The following KIF21A variants were observed in gnomAD, a reference collection of about 807,000 sequenced individuals.
KIF21A encodes kinesin-like protein KIF21A.
Under a neutral mutation model 202.9 loss-of-function variants are expected in KIF21A, and 114 were observed. The ratio of observed to expected loss-of-function variants is 0.56; its 90% confidence interval spans 0.48 to 0.66. The LOEUF is 0.66. Among genes scored for constraint, KIF21A ranks in the 30% least tolerant of loss-of-function variants. The pLI, the probability that KIF21A is intolerant of heterozygous loss-of-function variation, is 0.00. For missense variants in KIF21A, 1,677 were observed against 1,994.9 expected, an observed-to-expected ratio of 0.84 and a Z score of 3.04; for synonymous variants, 667 against 670.8, an observed-to-expected ratio of 0.99 and a Z score of 0.09.
intron 1 of KIF21A, among the ~76,000 whole-genome samples, chr12:39,390,709 A>G (rs145510402): frequency 0.015 from 2,306 of 152,278 alleles, 22 homozygotes; most frequent in Non-Finnish European, 0.023. Flanking sequence ...ATATATATAT[A>G]TTTGTCAGAA....
chr12:39,332,694 G>A lies in KIF21A; in HGVS notation c.2753C>T (p.Thr918Ile). The stretch of plus-strand genomic sequence containing the variant: ...AAGGAGCTGCCACTTCATGCGAGCT[G>A]TCTTGGAAATAAACACTCGGCCAGT... Reference protein sequence around the residue: ...GLTGRVFISKTARMKWQLLER... With the variant: ...GLTGRVFISKIARMKWQLLER... The change falls in exon 20 of 38, where the codon ACA (threonine) becomes ATA (isoleucine). Residue 918 changes from threonine to isoleucine, a missense_variant. Coordinates refer to ENST00000361418, the MANE Select transcript of KIF21A (RefSeq NM_001173464.2). 6.2e-7 allele frequency: 1 copy of A among 1,614,022 alleles called. No individual in the cohort carries two copies. The highest frequency in any genetic ancestry group is 8.5e-7 in the Non-Finnish European group (1 of 1,179,958).
intron 21 of KIF21A, 61 bp from the exon 22 acceptor site, chr12:39,331,852 C>T: frequency 8.2e-7 from 1 of 1,222,396 alleles, no homozygotes; most frequent in East Asian, 2.3e-5. Flanking sequence ...AAGGCAACAG[C>T]CTATTGTTTC....
intron 37 of KIF21A, among the ~76,000 whole-genome samples, chr12:39,300,652 A>G (rs1264298554): frequency 6.6e-6 from 1 of 152,162 alleles, no homozygotes; most frequent in Non-Finnish European, 1.5e-5. Context: ...TACACTTCAC[A>G]TTATATAATA....
intron 1 of KIF21A, among the ~76,000 whole-genome samples, chr12:39,386,031 T>C (rs1331690462): frequency 6.6e-6 from 1 of 152,212 alleles, no homozygotes. Flanking sequence ...GTTTTTGTTC[T>C]TGTCCTTTAA....
intron 1 of KIF21A, among the ~76,000 whole-genome samples, chr12:39,399,601 T>C (rs1280864761): frequency 6.6e-6 from 1 of 152,236 alleles, no homozygotes; most frequent in African/African-American, 2.4e-5. Flanking sequence ...AGACACTCTG[T>C]ATGCACGAGG....
intron 11 of KIF21A, 128 bp downstream of exon 11, chr12:39,351,649 C>T (rs1224696475): frequency 6.4e-6 from 4 of 622,450 alleles, no homozygotes; most frequent in Non-Finnish European, 1.1e-5. Context: ...GTTGTAGTTT[C>T]AGCTAACATA....
At chr12:39,341,718 A>AT in intron 13 of KIF21A, 96 bp from the exon 14 acceptor site, 1 of 1,337,792 alleles carries the variant, frequency 7.5e-7, no homozygotes, top group Non-Finnish European at 1.0e-6. Flanking sequence ...GTACGGAAAC[A>AT]TAAAAAAATT....
chr12:39,416,763 G>GTATA (rs199748335), intron 1 of KIF21A, among the ~76,000 whole-genome samples: 2 of 88,530 alleles, frequency 2.3e-5, no homozygotes, highest in Non-Finnish European at 4.2e-5. Context: ...ATATATATGT[G>GTATA]TATATATATA....
At position 39,367,234 on chromosome 12, in the gene KIF21A, G is replaced by A. The variant is rs1201296943; in HGVS notation, c.601-70C>T. 2.6e-6 allele frequency: 4 copies of A among 1,537,076 alleles called. 1 individual carries two copies. The South Asian group carries it at 4.5e-5, about 17-fold the overall frequency. ...AGATACTATACAATCCAAAGTCTGA[G>A]GTAATGGCTAAAACCCACCATGTTA... On this transcript the variant is annotated intron_variant, in intron 4 of 37. Coordinates refer to ENST00000361418, the MANE Select transcript of KIF21A (RefSeq NM_001173464.2).
At chr12:39,387,981 A>C (rs972670279) in intron 1 of KIF21A, among the ~76,000 whole-genome samples, 26 of 152,142 alleles carry the variant, frequency 1.7e-4, no homozygotes, top group African/African-American at 6.0e-4. Flanking sequence ...AGTTCTGACT[A>C]AAAGGCTGCA....
At chr12:39,356,292 T>C (rs558115794) in intron 10 of KIF21A, among the ~76,000 whole-genome samples, 18 of 152,332 alleles carry the variant, frequency 1.2e-4, no homozygotes, top group African/African-American at 4.3e-4. Flanking sequence ...ACTCTTCATG[T>C]CATGCTTGCC....
Position 39,414,297 on chromosome 12 carries a change from T to C in KIF21A, c.44+28630A>G, listed in dbSNP as rs112406880. ...TTATTCAATGACAAAAGGGCAGCTG[T>C]GCAGAAAGCAGACCAAAAGTGCTCA... On this transcript the variant is annotated intron_variant, in intron 1 of 37. Coordinates refer to ENST00000361418, the MANE Select transcript of KIF21A (RefSeq NM_001173464.2). 6.8e-3 allele frequency among the ~76,000 whole-genome samples: 1,029 copies of C among 152,342 alleles called. 13 individuals carry two copies. Among genetic ancestry groups the C allele is most frequent in the African/African-American group, 0.024 (983 of 41,574 alleles).
chr12:39,342,730 C>A (rs1356507519), intron 12 of KIF21A, among the ~76,000 whole-genome samples: 2 of 152,122 alleles, frequency 1.3e-5, no homozygotes, highest in Non-Finnish European at 2.9e-5. Flanking sequence ...CACAATGTGT[C>A]TTTGCATACC....
At chr12:39,417,662 T>A (rs1271746753) in intron 1 of KIF21A, among the ~76,000 whole-genome samples, 1 of 152,142 alleles carries the variant, frequency 6.6e-6, no homozygotes, top group Non-Finnish European at 1.5e-5. Flanking sequence ...GGAAAGAACA[T>A]TTGCTCCATG....
rs149150794 is a variant in KIF21A, at chr12:39,313,941, G to A, written c.3959+1288C>T. ...CTATATTACATAAGGAACAGATGAT[G>A]AAACTATTGAGCTGATAAAAGAACA... On this transcript the variant is annotated intron_variant, in intron 31 of 37. Coordinates refer to ENST00000361418, the MANE Select transcript of KIF21A (RefSeq NM_001173464.2). Among the ~76,000 whole-genome samples the A allele has an allele frequency of 5.0e-3, 763 of 151,716 alleles. 2 individuals carry two copies. The highest frequency in any genetic ancestry group is 0.018 in the African/African-American group (732 of 41,476).
intron 26 of KIF21A, among the ~76,000 whole-genome samples, chr12:39,325,533 C>G (rs1381874357): frequency 1.5e-5 from 2 of 131,842 alleles, no homozygotes; most frequent in Non-Finnish European, 3.1e-5. Context: ...TTAGTAGACA[C>G]GGGTTTTCGC....
At position 39,401,638 on chromosome 12, in the gene KIF21A, G is replaced by A. The variant is rs79345271; in HGVS notation, c.45-31377C>T. Among the ~76,000 whole-genome samples, 168 of 152,278 alleles carry A rather than the reference G, an allele frequency of 1.1e-3. 2 individuals are homozygous for A. The East Asian group carries it at 0.029, about 26-fold the overall frequency. Reference sequence around the variant, plus strand: ...GAACTTGAGAGTGCATGGGAGGAACGCTTGGCTAAGTACCAAAAACTGAAT... The same window carrying A: ...GAACTTGAGAGTGCATGGGAGGAACACTTGGCTAAGTACCAAAAACTGAAT... On this transcript the variant is annotated intron_variant, in intron 1 of 37. Transcript: ENST00000361418.
Position 39,322,781 on chromosome 12 carries a change from G to A in KIF21A, c.3558C>T (p.Leu1186=), listed in dbSNP as rs745576177. The A allele has an allele frequency of 6.2e-7, 1 of 1,614,126 alleles. No homozygotes were observed. The highest frequency in any genetic ancestry group is 8.5e-7 in the Non-Finnish European group (1 of 1,179,994). The change falls in exon 27 of 38, where the codon CTC becomes CTT. Residue 1186 remains leucine, a synonymous_variant. Transcript: ENST00000361418. ...TCTCTTGCCCTTCTGCAACAGGTGT[G>A]AGAGGGCCAGGCAAGGAGGCATCTC... ...STGDASLPGP[L]TPVAEGQEIG...
In KIF21A at chr12:39,400,777, C is replaced by T. The variant is rs374945485; in HGVS notation, c.45-30516G>A. 2.1e-3 allele frequency among the ~76,000 whole-genome samples: 316 copies of T among 152,170 alleles called. 5 individuals carry two copies. The highest frequency in any genetic ancestry group is 7.2e-3 in the African/African-American group (300 of 41,510). On this transcript the variant is annotated intron_variant, in intron 1 of 37. Transcript: ENST00000361418. ...GCTGATTTAGGCTGAAGTTCTAGAACGTGACTATCTTATTTCTAACCAAAA... is the reference window on the plus strand; with the variant it reads ...GCTGATTTAGGCTGAAGTTCTAGAATGTGACTATCTTATTTCTAACCAAAA...
Sources: gnomAD v4.1 joint callset for allele counts (sites outside exome capture counted in the v4.1 genomes callset) on GRCh38, gnomAD v4.1.1 for gene constraint, MANE v1.5 for transcripts, NCBI Gene and HGNC (gene_info 2026-07-23, HGNC 2026-07-21) for gene names.